Variants in ADAMTS19 observed in about 807,000 individuals in gnomAD.
ADAMTS19 encodes ADAM metallopeptidase with thrombospondin type 1 motif 19, also known as A disintegrin and metalloproteinase with thrombospondin motifs 19.
Under a neutral mutation model 153.3 loss-of-function variants are expected in ADAMTS19, and 93 were observed. The ratio of observed to expected loss-of-function variants is 0.61; its 90% confidence interval spans 0.51 to 0.72. The LOEUF (loss-of-function observed/expected upper bound fraction) is 0.72. ADAMTS19 is among the 30% of genes least tolerant of loss of function. ADAMTS19 has a pLI of 0.00. For synonymous variants in ADAMTS19, 600 were observed against 556.6 expected (o/e 1.08, Z -1.10); for missense variants, 1,482 against 1,552.1 (o/e 0.95, Z 0.76).
At chr5:129,707,431 T>G (rs1027806491) in intron 21 of ADAMTS19, among the ~76,000 whole-genome samples, 2 of 152,230 alleles carry the variant, frequency 1.3e-5, no homozygotes, top group Non-Finnish European at 2.9e-5. Context: ...TTTTTCATTA[T>G]AACGATCTCA....
At chr5:129,472,119 AG>A (rs1202741992) in intron 2 of ADAMTS19, among the ~76,000 whole-genome samples, 24 of 152,208 alleles carry the variant, frequency 1.6e-4, no homozygotes, top group African/African-American at 5.8e-4. Context: ...CAGGTATTTG[AG>A]GAATCACTTC....
intron 6 of ADAMTS19, among the ~76,000 whole-genome samples, chr5:129,539,086 A>G (rs750192573): frequency 1.3e-5 from 2 of 152,006 alleles, no homozygotes; most frequent in Non-Finnish European, 2.9e-5. Context: ...AAGTATTTTT[A>G]TGTTATTTAT....
At chr5:129,563,116 C>A (rs1323641039) in intron 7 of ADAMTS19, among the ~76,000 whole-genome samples, 2 of 152,128 alleles carry the variant, frequency 1.3e-5, no homozygotes, top group Admixed American at 6.5e-5. Flanking sequence ...GTACATTCTT[C>A]ATACCACATT....
At chr5:129,658,336 AG>A (rs1366028216) in intron 14 of ADAMTS19, among the ~76,000 whole-genome samples, 3 of 101,778 alleles carry the variant, frequency 2.9e-5, no homozygotes, top group Non-Finnish European at 6.6e-5. Context: ...AAAGAAAGAA[AG>A]AAAGAAAGAA....
intron 16 of ADAMTS19, among the ~76,000 whole-genome samples, chr5:129,671,447 G>C (rs1414974247): frequency 6.6e-6 from 1 of 152,126 alleles, no homozygotes; most frequent in Non-Finnish European, 1.5e-5. Context: ...TTGGCAAATA[G>C]ATGCATTTCA....
chr5:129,505,785 A>AGAT (rs1561542609), intron 2 of ADAMTS19, among the ~76,000 whole-genome samples: 6 of 152,124 alleles, frequency 3.9e-5, no homozygotes, highest in African/African-American at 1.4e-4. Context: ...AATGCCTATG[A>AGAT]AGATAGAAAT....
At chr5:129,519,226 C>T (rs967461667) in intron 3 of ADAMTS19, among the ~76,000 whole-genome samples, 1 of 152,106 alleles carries the variant, frequency 6.6e-6, no homozygotes, top group African/African-American at 2.4e-5. Context: ...TTCTTCAAGG[C>T]AGTGGGTTCC....
intron 14 of ADAMTS19, 47 bp downstream of exon 14, chr5:129,654,480 T>A: frequency 6.3e-7 from 1 of 1,585,294 alleles, no homozygotes; most frequent in Non-Finnish European, 8.5e-7. Flanking sequence ...GAAGGAAAAT[T>A]GTGGGACCAC....
At chr5:129,554,036 C>T (rs1396001921) in intron 7 of ADAMTS19, among the ~76,000 whole-genome samples, 1 of 152,006 alleles carries the variant, frequency 6.6e-6, no homozygotes, top group Non-Finnish European at 1.5e-5. Flanking sequence ...ATTTACATAG[C>T]ACTTATCTTG....
chr5:129,600,885 A>G (rs1436166108), intron 8 of ADAMTS19, among the ~76,000 whole-genome samples: 1 of 114,480 alleles, frequency 8.7e-6, no homozygotes, highest in South Asian at 2.9e-4. Flanking sequence ...TATTATTATT[A>G]TTGAGACGGG....
intron 2 of ADAMTS19, among the ~76,000 whole-genome samples, chr5:129,496,675 A>T (rs1014657211): frequency 1.3e-5 from 2 of 151,980 alleles, no homozygotes; most frequent in African/African-American, 2.4e-5. Context: ...ATTCTCTTCT[A>T]CTTAAAGCAC....
intron 16 of ADAMTS19, among the ~76,000 whole-genome samples, chr5:129,679,420 G>A (rs576886955): frequency 6.6e-6 from 1 of 152,252 alleles, no homozygotes; most frequent in South Asian, 2.1e-4. Context: ...TAGGATCACT[G>A]GATAGACTAA....
intron 7 of ADAMTS19, among the ~76,000 whole-genome samples, chr5:129,570,317 T>C (rs1289165465): frequency 1.3e-5 from 2 of 150,192 alleles, no homozygotes; most frequent in Non-Finnish European, 3.0e-5. Context: ...AGCATCAGTT[T>C]GACAGTTTAG....
intron 19 of ADAMTS19, among the ~76,000 whole-genome samples, chr5:129,695,203 G>T (rs1463464783): frequency 6.6e-6 from 1 of 152,078 alleles, no homozygotes; most frequent in Non-Finnish European, 1.5e-5. Context: ...GTTAGAATTT[G>T]CCCACAGTAA....
intron 8 of ADAMTS19, among the ~76,000 whole-genome samples, chr5:129,617,077 T>G (rs534778822): frequency 1.0e-3 from 156 of 152,112 alleles, no homozygotes; most frequent in Middle Eastern, 0.01. Context: ...AGTGATATCA[T>G]TGTCAGTGGT....
chr5:129,550,571 T>C (rs1255790638), intron 6 of ADAMTS19, among the ~76,000 whole-genome samples: 2 of 149,484 alleles, frequency 1.3e-5, no homozygotes, highest in African/African-American at 4.9e-5. Context: ...TATACATATG[T>C]ATACATATAT....
At position 129,589,195 on chromosome 5, in the gene ADAMTS19, A is replaced by G. The variant is rs80066116; in HGVS notation, c.1373-7364A>G. Reference sequence around the variant, plus strand: ...ATCTCACATACCTCAAAACTTAGACATTATTATTACTATCACTGTTTTTTT... The same window carrying G: ...ATCTCACATACCTCAAAACTTAGACGTTATTATTACTATCACTGTTTTTTT... On this transcript the variant is annotated intron_variant, in intron 7 of 22. Coordinates refer to ENST00000274487, the MANE Select transcript of ADAMTS19 (RefSeq NM_133638.6). Among the ~76,000 whole-genome samples, 29 of 151,576 alleles carry G rather than the reference A, an allele frequency of 1.9e-4. No homozygotes were observed. In the East Asian group the frequency reaches 5.6e-3, roughly 29 times the overall value.
At chr5:129,477,298 A>G (rs903052874) in intron 2 of ADAMTS19, among the ~76,000 whole-genome samples, 1 of 152,206 alleles carries the variant, frequency 6.6e-6, no homozygotes, top group African/African-American at 2.4e-5. Context: ...AGTAAATTAA[A>G]GAAATAGATT....
intron 2 of ADAMTS19, among the ~76,000 whole-genome samples, chr5:129,481,394 A>G (rs930193332): frequency 1.3e-5 from 2 of 152,114 alleles, no homozygotes; most frequent in African/African-American, 4.8e-5. Flanking sequence ...CCCTCCCTTG[A>G]CACCTGGGGA....
Sources: gnomAD v4.1 joint callset for allele counts (sites outside exome capture counted in the v4.1 genomes callset) on GRCh38, gnomAD v4.1.1 for gene constraint, MANE v1.5 for transcripts, NCBI Gene and HGNC (gene_info 2026-07-23, HGNC 2026-07-21) for gene names.